ZNF407: variants seen among roughly 807,000 people sequenced by gnomAD.
ZNF407 encodes zinc finger protein 407.
In ZNF407, 17 loss-of-function variants were observed where a neutral mutation model predicts 131.2. The ratio of observed to expected loss-of-function variants is 0.13; its 90% confidence interval spans 0.09 to 0.19. The LOEUF (loss-of-function observed/expected upper bound fraction) is 0.19, where lower values mean the gene tolerates loss of function less well. Among genes scored for constraint, ZNF407 ranks in the 10% least tolerant of loss-of-function variants. The pLI is 1.00. For missense variants in ZNF407, 2,681 were observed against 2,830.6 expected (o/e 0.95, Z 1.20); for synonymous variants, 1,156 against 1,062.0 (o/e 1.09, Z -1.72).
intron 3 of ZNF407, among the ~76,000 whole-genome samples, chr18:74,657,950 TTC>T (rs1394380077): frequency 6.6e-6 from 1 of 150,952 alleles, no homozygotes; most frequent in Non-Finnish European, 1.5e-5. Flanking sequence ...CCTTTCTTTT[TTC>T]TCTTTCCATT....
chr18:74,867,891 C>T (rs1173619069), intron 4 of ZNF407, among the ~76,000 whole-genome samples: 3 of 152,078 alleles, frequency 2.0e-5, no homozygotes, highest in African/African-American at 7.2e-5. Flanking sequence ...TTCATAGCTT[C>T]CATTAATATG....
At chr18:74,608,060 CTT>C (rs769729019) in intron 1 of ZNF407, among the ~76,000 whole-genome samples, 1 of 152,090 alleles carries the variant, frequency 6.6e-6, no homozygotes, top group Non-Finnish European at 1.5e-5. Flanking sequence ...TCTGAAATGA[CTT>C]TTTAAAACTT....
At chr18:74,707,499 G>A (rs1352398324) in intron 3 of ZNF407, among the ~76,000 whole-genome samples, 3 of 152,014 alleles carry the variant, frequency 2.0e-5, no homozygotes, top group Non-Finnish European at 4.4e-5. Flanking sequence ...CTGAAAACTC[G>A]AGATCCTTAT....
chr18:74,734,260 T>G (rs1428472154), intron 3 of ZNF407, among the ~76,000 whole-genome samples: 1 of 152,200 alleles, frequency 6.6e-6, no homozygotes, highest in Non-Finnish European at 1.5e-5. Context: ...ACAAACACTT[T>G]GAAACCAGGG....
At chr18:74,810,181 A>G (rs1970173729) in intron 4 of ZNF407, among the ~76,000 whole-genome samples, 1 of 152,174 alleles carries the variant, frequency 6.6e-6, no homozygotes, top group Non-Finnish European at 1.5e-5. Context: ...CTAGTGGGAA[A>G]GGGAGAGAGA....
intron 3 of ZNF407, among the ~76,000 whole-genome samples, chr18:74,725,497 AC>A (rs1968135922): frequency 2.0e-5 from 3 of 152,248 alleles, no homozygotes; most frequent in African/African-American, 7.2e-5. Flanking sequence ...TTAGTATATC[AC>A]TTTTTTTGTT....
At chr18:74,980,680 G>A (rs1972582067) in intron 8 of ZNF407, among the ~76,000 whole-genome samples, 1 of 152,168 alleles carries the variant, frequency 6.6e-6, no homozygotes, top group African/African-American at 2.4e-5. Flanking sequence ...CTATGAGGAT[G>A]ATAGTTTCCA....
intron 4 of ZNF407, among the ~76,000 whole-genome samples, chr18:74,782,194 T>C (rs756760019): frequency 9.1e-4 from 138 of 152,184 alleles, no homozygotes; most frequent in African/African-American, 3.3e-3. Context: ...AAAGTCAGGA[T>C]AGATTTTCAG....
chr18:74,636,345 A>T (rs1568138677), intron 2 of ZNF407, among the ~76,000 whole-genome samples: 1 of 150,526 alleles, frequency 6.6e-6, no homozygotes, highest in African/African-American at 2.4e-5. Flanking sequence ...TTAAAAAAAC[A>T]TTTTTTTTTG....
chr18:74,817,470 C>G (rs1398123087), intron 4 of ZNF407, among the ~76,000 whole-genome samples: 3 of 152,114 alleles, frequency 2.0e-5, no homozygotes, highest in Non-Finnish European at 4.4e-5. Flanking sequence ...CTGCAATCTT[C>G]AGTCAATTTA....
At chr18:74,919,797 A>G (rs1342914989) in intron 7 of ZNF407, among the ~76,000 whole-genome samples, 1 of 152,240 alleles carries the variant, frequency 6.6e-6, no homozygotes, top group African/African-American at 2.4e-5. Context: ...CCTCAAAAAC[A>G]GCACCCCATT....
At chr18:75,014,605 T>C (rs1469503892) in intron 8 of ZNF407, among the ~76,000 whole-genome samples, 2 of 152,100 alleles carry the variant, frequency 1.3e-5, no homozygotes, top group Non-Finnish European at 2.9e-5. Context: ...ATTCTTAACT[T>C]TTTTTCTTCA....
At chr18:74,837,740 C>T (rs936251211) in intron 4 of ZNF407, among the ~76,000 whole-genome samples, 3 of 152,112 alleles carry the variant, frequency 2.0e-5, no homozygotes, top group Non-Finnish European at 4.4e-5. Context: ...GCAGCCACCA[C>T]ATCCTGGGCT....
chr18:74,617,096 A>ACACACATCTATATCCACACACCAC (rs1352602380), intron 1 of ZNF407, among the ~76,000 whole-genome samples: 2 of 24,240 alleles, frequency 8.3e-5, no homozygotes, highest in Non-Finnish European at 8.7e-5. Context: ...TCCATGCACC[A>ACACACATCTATATCCACACACCAC]ACACATCCAT....
intron 8 of ZNF407, among the ~76,000 whole-genome samples, chr18:74,938,338 G>A (rs1972061301): frequency 6.6e-6 from 1 of 152,174 alleles, no homozygotes; most frequent in Non-Finnish European, 1.5e-5. Flanking sequence ...AATCTACAAT[G>A]TAGACTTTCT....
chr18:74,614,003 G>T (rs1405498225), intron 1 of ZNF407, among the ~76,000 whole-genome samples: 5 of 152,176 alleles, frequency 3.3e-5, no homozygotes, highest in African/African-American at 4.8e-5. Context: ...TTTTCTTTGG[G>T]AGTGTGTAAT....
chr18:74,745,619 T>G (rs994612701), intron 3 of ZNF407, among the ~76,000 whole-genome samples: 3 of 152,216 alleles, frequency 2.0e-5, no homozygotes, highest in African/African-American at 7.2e-5. Context: ...CTTACGTATT[T>G]GTTTTATGTT....
In ZNF407 at chr18:74,631,737, C is replaced by T; in HGVS notation, c.718C>T (p.Pro240Ser). 1 of 1,613,992 alleles carries T rather than the reference C, an allele frequency of 6.2e-7. No homozygotes were observed. The highest frequency in any genetic ancestry group is 8.5e-7 in the Non-Finnish European group (1 of 1,179,890). Residue 240 changes from proline to serine, a missense_variant, in exon 2 of 9, where the codon CCA becomes TCA. Physicochemically the swap from Pro to Ser is moderately conservative, Grantham distance 74. Around this residue, in one of 6 missense-constraint regions of ZNF407, gnomAD observed 1,789 missense variants for 1,748.7 expected, o/e 1.02. Transcript: ENST00000299687. The stretch of plus-strand genomic sequence containing the variant: ...TATGCATATCAAACAAGCACATGGG[C>T]CACAGAAGGTCTTTTCCTGTGATCT... ...LHMHIKQAHG[P>S]QKVFSCDLCG...
At position 74,631,563 on chromosome 18, in the gene ZNF407, G is replaced by A; in HGVS notation, c.544G>A (p.Val182Ile). The A allele has an allele frequency of 6.2e-7, 1 of 1,613,694 alleles. No homozygotes were observed. Among genetic ancestry groups the A allele is most frequent in the Non-Finnish European group, 8.5e-7 (1 of 1,179,894 alleles). ...EISVSCTIGN[V>I]DTVLKCSICG... ...TAGTGTTAGTTGTACCATTGGGAAT[G>A]TAGATACAGTTCTCAAATGCAGCAT... Residue 182 changes from valine to isoleucine, a missense_variant, in exon 2 of 9, where the codon GTA becomes ATA. By Grantham distance (29) the Val-to-Ile change is conservative. This residue lies in a region of ZNF407 where 1,789 missense variants were observed against 1,748.7 expected (regional missense o/e 1.02). Coordinates refer to ENST00000299687, the MANE Select transcript of ZNF407 (RefSeq NM_017757.3).
Sources: allele counts gnomAD v4.1 joint callset (sites outside exome capture counted in the v4.1 genomes callset), GRCh38; gene constraint gnomAD v4.1.1; regional missense constraint gnomAD v4.1.1; transcripts MANE v1.5; gene names NCBI Gene and HGNC (gene_info 2026-07-23, HGNC 2026-07-21).